ROBO2: variants seen among roughly 807,000 people sequenced by gnomAD.
The protein encoded by ROBO2 is roundabout guidance receptor 2.
ROBO2 carries 53 observed loss-of-function variants against 160.8 expected under a neutral mutation model. The ratio of observed to expected loss-of-function variants is 0.33; its 90% CI spans 0.26 to 0.41. The LOEUF is 0.41. Ranked by LOEUF, ROBO2 falls within the 10% of genes least tolerant of loss-of-function variation. ROBO2 has a pLI of 1.00. For missense variants in ROBO2, 1,577 were observed against 1,722.4 expected (o/e 0.92, Z 1.49); for synonymous variants, 664 against 611.7 (o/e 1.09, Z -1.26).
intron 2 of ROBO2, among the ~76,000 whole-genome samples, chr3:77,162,712 T>A (rs7432119): frequency 0.038 from 5,761 of 152,356 alleles, 159 homozygotes; most frequent in East Asian, 0.088. Flanking sequence ...TTCTTTCCTC[T>A]AATAAGGCTA....
intron 2 of ROBO2, among the ~76,000 whole-genome samples, chr3:77,243,410 A>C (rs999427271): frequency 6.6e-6 from 1 of 152,184 alleles, no homozygotes; most frequent in Non-Finnish European, 1.5e-5. Flanking sequence ...TCTTAGGAGC[A>C]ACTGTTTGAA....
intron 2 of ROBO2, among the ~76,000 whole-genome samples, chr3:77,249,579 A>G (rs1174938983): frequency 1.3e-5 from 2 of 152,060 alleles, no homozygotes; most frequent in Admixed American, 6.6e-5. Context: ...ACTCCCATCC[A>G]TCACTTTAAA....
At position 76,134,437 on chromosome 3, in the gene ROBO2, C is replaced by G. The variant is rs2071350680; in HGVS notation, c.109+196835C>G. 2.0e-5 allele frequency among the ~76,000 whole-genome samples: 3 copies of G among 152,052 alleles called. No individual in the cohort carries two copies. The South Asian group carries it at 6.2e-4, about 32-fold the overall frequency. The stretch of plus-strand genomic sequence containing the variant: ...AACACCCCCGTGATTATGTTATGTT[C>G]TATGGCAAAACGTAAGGGATTTTGC... On this transcript the variant is annotated intron_variant, in intron 2 of 26. Coordinates refer to the ROBO2 transcript ENST00000487694.
intron 2 of ROBO2, among the ~76,000 whole-genome samples, chr3:76,280,318 T>C (rs532147455): frequency 1.6e-4 from 25 of 152,008 alleles, no homozygotes; most frequent in African/African-American, 5.8e-4. Flanking sequence ...GGAGATAGGG[T>C]CTTCAGGAAG....
At chr3:77,137,030 C>A (rs899919198) in intron 2 of ROBO2, among the ~76,000 whole-genome samples, 1 of 152,114 alleles carries the variant, frequency 6.6e-6, no homozygotes, top group African/African-American at 2.4e-5. Context: ...GCAGTCCTCC[C>A]ACTTTGGCCT....
At chr3:76,081,318 C>G (rs917505676) in intron 2 of ROBO2, among the ~76,000 whole-genome samples, 1 of 151,958 alleles carries the variant, frequency 6.6e-6, no homozygotes, top group African/African-American at 2.4e-5. Context: ...GCTCTACTTC[C>G]TAATAGATAC....
rs566868932 is a variant in ROBO2, at chr3:77,361,126, T to TA, written c.389-116284dup. On this transcript the variant is annotated intron_variant, in intron 2 of 25. Transcript: ENST00000461745. The stretch of plus-strand genomic sequence containing the variant: ...ATTAGCAAATTAATTGTACTTTTCA[T>TA]AAAATACCTTTTTAAAGTAAGGTTG... Among the ~76,000 whole-genome samples the TA allele has an allele frequency of 4.7e-4, 72 of 152,288 alleles. 1 individual carries two copies. The East Asian group carries it at 0.011, about 22-fold the overall frequency.
intron 5 of ROBO2, among the ~76,000 whole-genome samples, chr3:77,505,118 TA>T (rs1479810887): frequency 2.6e-5 from 4 of 152,324 alleles, no homozygotes; most frequent in East Asian, 1.9e-4. Flanking sequence ...GAATACACCA[TA>T]AAATGGGGAT....
At chr3:76,437,160 C>G (rs1304753744) in intron 2 of ROBO2, among the ~76,000 whole-genome samples, 1 of 151,898 alleles carries the variant, frequency 6.6e-6, no homozygotes, top group African/African-American at 2.4e-5. Context: ...GCTTTTGAAA[C>G]TTTAATTAAC....
chr3:77,175,183 G>T (rs2080024499), intron 2 of ROBO2, among the ~76,000 whole-genome samples: 1 of 152,046 alleles, frequency 6.6e-6, no homozygotes, highest in South Asian at 2.1e-4. Flanking sequence ...AGTAGTAATT[G>T]TTAGAACCAG....
At chr3:76,272,943 T>TAATATATATTTATATA (rs1707633105) in intron 2 of ROBO2, among the ~76,000 whole-genome samples, 1 of 27,194 alleles carries the variant, frequency 3.7e-5, no homozygotes, top group African/African-American at 7.3e-5. Context: ...TATAAATATA[T>TAATATATATTTATATA]AAAATATATA....
intron 2 of ROBO2, among the ~76,000 whole-genome samples, chr3:77,474,995 A>G (rs573363951): frequency 2.6e-5 from 4 of 152,222 alleles, no homozygotes; most frequent in African/African-American, 9.6e-5. Flanking sequence ...AGTAAAAATG[A>G]TTTTACTCCT....
chr3:77,152,712 A>G (rs149233243), intron 2 of ROBO2, among the ~76,000 whole-genome samples: 71 of 152,368 alleles, frequency 4.7e-4, no homozygotes, highest in African/African-American at 1.6e-3. Context: ...CCAAATGTAT[A>G]GAACATTGGT....
chr3:77,559,945 C>T (rs747094268), intron 9 of ROBO2, among the ~76,000 whole-genome samples: 7 of 152,012 alleles, frequency 4.6e-5, no homozygotes, highest in African/African-American at 1.2e-4. Context: ...TAATTGTTAA[C>T]CTTCTTTGAA....
chr3:77,447,490 C>G (rs1264411089), intron 2 of ROBO2, among the ~76,000 whole-genome samples: 2 of 152,016 alleles, frequency 1.3e-5, no homozygotes, highest in Non-Finnish European at 2.9e-5. Flanking sequence ...ATGTAATAGG[C>G]TTTTGGTTAG....
At chr3:76,942,200 C>T (rs2078233912) in intron 2 of ROBO2, among the ~76,000 whole-genome samples, 1 of 152,154 alleles carries the variant, frequency 6.6e-6, no homozygotes, top group South Asian at 2.1e-4. Context: ...TAAACTTCCT[C>T]CTGTTGAAAC....
chr3:76,299,821 A>C (rs1206160705), intron 2 of ROBO2, among the ~76,000 whole-genome samples: 1 of 152,142 alleles, frequency 6.6e-6, no homozygotes, highest in Non-Finnish European at 1.5e-5. Flanking sequence ...TACACCTACA[A>C]AGATGGGAGA....
At chr3:76,454,234 A>T (rs2077629827) in intron 2 of ROBO2, among the ~76,000 whole-genome samples, 1 of 152,186 alleles carries the variant, frequency 6.6e-6, no homozygotes, top group South Asian at 2.1e-4. Flanking sequence ...TGTTTAAAAA[A>T]TTTGAAGTGC....
At chr3:75,972,513 C>T (rs571656694) in intron 2 of ROBO2, among the ~76,000 whole-genome samples, 77 of 151,628 alleles carry the variant, frequency 5.1e-4, no homozygotes, top group Non-Finnish European at 8.9e-4. Flanking sequence ...GCCAGCTTGA[C>T]TTATTACTCT....
Sources: gnomAD v4.1 joint callset for allele counts (sites outside exome capture counted in the v4.1 genomes callset) on GRCh38, gnomAD v4.1.1 for gene constraint, MANE v1.5 for transcripts, NCBI Gene and HGNC (gene_info 2026-07-23, HGNC 2026-07-21) for gene names.